HECTD4: variants seen among roughly 807,000 people sequenced by gnomAD.
HECTD4 encodes HECT domain E3 ubiquitin protein ligase 4, also known as probable E3 ubiquitin-protein ligase HECTD4.
HECTD4 carries 114 observed loss-of-function variants against 471.5 expected under a neutral mutation model. That is an observed-to-expected ratio of 0.24 (90% CI 0.21 to 0.28). The LOEUF is 0.28. HECTD4 is among the 10% of genes least tolerant of loss of function. The pLI, the probability that HECTD4 is intolerant of heterozygous loss-of-function variation, is 1.00. For missense variants in HECTD4, 3,866 were observed against 5,651.5 expected (o/e 0.68, Z 10.13); for synonymous variants, 2,012 against 2,256.0 (o/e 0.89, Z 3.07).
At chr12:112,371,719 T>C (rs1361123895) in intron 1 of HECTD4, among the ~76,000 whole-genome samples, 1 of 151,704 alleles carries the variant, frequency 6.6e-6, no homozygotes, top group Non-Finnish European at 1.5e-5. Context: ...AAACCCCGTC[T>C]CTACTAAAAC....
Position 112,319,784 on chromosome 12 carries a change from C to T in HECTD4, c.178-42G>A, listed in dbSNP as rs544810905. ...TGGAGAAGTGGGTAAATATTACTTTCACCAAAGTCATCTAAGGAAGAAAAT... is the reference window on the plus strand; with the variant it reads ...TGGAGAAGTGGGTAAATATTACTTTTACCAAAGTCATCTAAGGAAGAAAAT... On this transcript the variant is annotated intron_variant, in intron 1 of 75. Coordinates refer to ENST00000682272, the MANE Select transcript of HECTD4 (RefSeq NM_001388303.1). The surrounding 1 kb of genome is among the most constrained non-coding windows in gnomAD (Gnocchi z 5.3). 4 of 1,219,682 alleles carry T rather than the reference C, an allele frequency of 3.3e-6. No homozygotes were observed. The African/African-American group carries it at 6.2e-5, about 19-fold the overall frequency. The allele number at this position is 1,219,682 out of a possible 1,614,324, so 75.6% of individuals were successfully genotyped here.
chr12:112,241,701 C>A (rs914059701), intron 32 of HECTD4, among the ~76,000 whole-genome samples: 1 of 152,290 alleles, frequency 6.6e-6, no homozygotes, highest in East Asian at 1.9e-4. Context: ...CTCAAGTGAT[C>A]CTCCTGCTTT....
In HECTD4 at chr12:112,176,674, T is replaced by C. The variant is rs543976182; in HGVS notation, c.11392A>G (p.Thr3798Ala). 6 of 1,614,020 alleles carry C rather than the reference T, an allele frequency of 3.7e-6. No homozygotes were observed. The Admixed American group carries it at 5.0e-5, about 13-fold the overall frequency. ...SRTALSEKKPTVKPKSPEKSK... is the reference protein window; with the variant it reads ...SRTALSEKKPAVKPKSPEKSK... Reference sequence around the variant, plus strand: ...TTTTCTGGTGATTTTGGCTTCACAGTTGGCTTCTTCTCACTTAAGGCAGTC... The same window carrying C: ...TTTTCTGGTGATTTTGGCTTCACAGCTGGCTTCTTCTCACTTAAGGCAGTC... The change falls in exon 65 of 76, where the codon ACT (threonine) becomes GCT (alanine). Residue 3798 changes from threonine to alanine, a missense_variant. Thr to Ala is a moderately conservative substitution (Grantham distance 58). Around this residue, in one of 16 missense-constraint regions of HECTD4, gnomAD observed 715 missense variants for 1,087.6 expected, o/e 0.66. Coordinates refer to ENST00000682272, the MANE Select transcript of HECTD4 (RefSeq NM_001388303.1).
chr12:112,165,413 G>A lies in HECTD4; in HGVS notation c.12535-1138C>T, dbSNP rs545844159. Among the ~76,000 whole-genome samples, 17 of 148,092 alleles carry A rather than the reference G, an allele frequency of 1.1e-4. 1 individual carries two copies. The highest frequency in any genetic ancestry group is 4.0e-4 in the East Asian group (2 of 5,004). Reference sequence around the variant, plus strand: ...GTCGCCCAGGCTGGAGTGCAGTGGCGCGATATCAGCTCACTGCAAGCTCCG... The same window carrying A: ...GTCGCCCAGGCTGGAGTGCAGTGGCACGATATCAGCTCACTGCAAGCTCCG... On this transcript the variant is annotated intron_variant, in intron 72 of 75. Coordinates refer to ENST00000682272, the MANE Select transcript of HECTD4 (RefSeq NM_001388303.1).
intron 55 of HECTD4, 50 bp downstream of exon 55, chr12:112,200,588 C>G: frequency 6.4e-7 from 1 of 1,571,788 alleles, no homozygotes; most frequent in South Asian, 1.2e-5. Flanking sequence ...TGTGGTAGAG[C>G]GAAGTTGGTG....
chr12:112,228,332 T>C lies in HECTD4; in HGVS notation c.6685-74A>G. The stretch of plus-strand genomic sequence containing the variant: ...TTTATAAGAAATGAGGGTGTTATTA[T>C]TATCTGGAGTTAATTCTTAAATTTT... On this transcript the variant is annotated intron_variant, in intron 42 of 75. Transcript: ENST00000682272. The surrounding 1 kb of genome is among the most constrained non-coding windows in gnomAD (Gnocchi z 4.9). 7.4e-7 allele frequency: 1 copy of C among 1,347,404 alleles called. No individual in the cohort carries two copies. The highest frequency in any genetic ancestry group is 9.7e-7 in the Non-Finnish European group (1 of 1,027,876). The allele number at this position is 1,347,404 out of a possible 1,614,324, so 83.5% of individuals were successfully genotyped here. A position where few individuals can be genotyped will look rare whatever the true frequency, so the allele number is the denominator to read the frequency against.
intron 54 of HECTD4, 95 bp from the exon 55 acceptor site, chr12:112,200,893 G>A: frequency 3.1e-6 from 3 of 958,674 alleles, no homozygotes; most frequent in Non-Finnish European, 4.7e-6. Flanking sequence ...GCGTGTGTGT[G>A]TGTGTGTGTG....
chr12:112,283,277 T>C lies in HECTD4; in HGVS notation c.1361A>G (p.Asn454Ser), dbSNP rs112942603. Residue 454 changes from asparagine (N) to serine (S), a missense_variant, in exon 8 of 76, where the codon AAC becomes AGC. Around this residue, in one of 16 missense-constraint regions of HECTD4, gnomAD observed 440 missense variants for 636.0 expected, o/e 0.69. Transcript: ENST00000682272. ...TAGAATTGTACGTTCCTGAAGTGGG[T>C]TGGCTACAAATACACCATTTTCAAC... is the stretch of plus-strand genomic sequence containing the variant. ...LVVENGVFVA[N>S]PLQERTILMR... The C allele has an allele frequency of 6.2e-7, 1 of 1,613,180 alleles. No homozygotes were observed.
Position 112,204,560 on chromosome 12 carries a change from C to T in HECTD4, c.8195G>A (p.Arg2732Lys). 1.2e-6 allele frequency: 2 copies of T among 1,613,122 alleles called. No individual in the cohort carries two copies. The highest frequency in any genetic ancestry group is 1.7e-6 in the Non-Finnish European group (2 of 1,179,126). The part of the protein sequence containing the change: ...FLYEENGGIP[R>K]DLYLPTIEDI... Reference sequence around the variant, plus strand: ...TTCAATGGTGGGAAGATAAAGGTCTCTTGGGATGCCACCATTCTCTTCGTA... The same window carrying T: ...TTCAATGGTGGGAAGATAAAGGTCTTTTGGGATGCCACCATTCTCTTCGTA... The change falls in exon 53 of 76, where the codon AGA becomes AAA. Residue 2732 changes from arginine to lysine, a missense_variant. Physicochemically the swap from Arg to Lys is conservative, Grantham distance 26. This residue lies in a region of HECTD4 where 266 missense variants were observed against 441.6 expected (regional missense o/e 0.60). Transcript: ENST00000682272.
At chr12:112,207,268 G>A (rs943526235) in intron 52 of HECTD4, among the ~76,000 whole-genome samples, 1 of 152,020 alleles carries the variant, frequency 6.6e-6, no homozygotes, top group African/African-American at 2.4e-5. Context: ...CTCAGCCACC[G>A]GAGTAGCTTG....
chr12:112,199,199 C>T (rs894267099), intron 55 of HECTD4, among the ~76,000 whole-genome samples: 10 of 152,082 alleles, frequency 6.6e-5, no homozygotes, highest in Admixed American at 2.0e-4. Context: ...TCTATGTGGA[C>T]GACTGTGAGG....
Position 112,246,891 on chromosome 12 carries a change from TG to T in HECTD4, c.4513+9del, listed in dbSNP as rs2033776114. On this transcript the variant is annotated intron_variant, in intron 29 of 75. Transcript: ENST00000682272. ...ACAGAAGCCGATTAGGGGCTATCTTTGAGCAGTACCTGGTGTTTCAGCAGGG... is the reference window on the plus strand; with the variant it reads ...ACAGAAGCCGATTAGGGGCTATCTTTAGCAGTACCTGGTGTTTCAGCAGGG... 6 of 1,607,868 alleles carry T rather than the reference TG, an allele frequency of 3.7e-6. No homozygotes were observed. In the East Asian group the frequency reaches 1.3e-4, roughly 36 times the overall value.
intron 5 of HECTD4, 21 bp from the exon 6 acceptor site, chr12:112,308,912 C>G: frequency 6.5e-7 from 1 of 1,532,288 alleles, no homozygotes; most frequent in Middle Eastern, 1.7e-4. Context: ...AAATGGAGCA[C>G]AGGCTGAATC....
At chr12:112,244,520 C>G (rs1235030892) in intron 29 of HECTD4, among the ~76,000 whole-genome samples, 1 of 152,126 alleles carries the variant, frequency 6.6e-6, no homozygotes, top group African/African-American at 2.4e-5. Flanking sequence ...AGGCGTGCAC[C>G]ACCACGCCCA....
At chr12:112,327,272 G>A (rs1416370246) in intron 1 of HECTD4, among the ~76,000 whole-genome samples, 4 of 152,114 alleles carry the variant, frequency 2.6e-5, no homozygotes, top group African/African-American at 7.2e-5. Context: ...AGCCAAGATC[G>A]TGCTACTGCA....
intron 20 of HECTD4, chr12:112,256,801 G>T: frequency 4.8e-6 from 1 of 207,710 alleles, no homozygotes; most frequent in Non-Finnish European, 9.3e-6. Flanking sequence ...TTTTTTTCAA[G>T]GGCGAAGCCC....
intron 8 of HECTD4, among the ~76,000 whole-genome samples, chr12:112,281,206 C>T (rs7964047): frequency 2.0e-5 from 3 of 151,668 alleles, no homozygotes; most frequent in African/African-American, 7.3e-5. Flanking sequence ...CATAAAAGTA[C>T]GATGATTGCT....
Position 112,200,658 on chromosome 12 carries a change from A to G in HECTD4, c.8547T>C (p.Asn2849=), listed in dbSNP as rs759683399. 3 of 1,613,608 alleles carry G rather than the reference A, an allele frequency of 1.9e-6. No individual in the cohort carries two copies. Among genetic ancestry groups the G allele is most frequent in the Middle Eastern group, 3.3e-4 (2 of 6,062 alleles). Residue 2849 remains asparagine, a synonymous_variant, in exon 55 of 76, where the codon AAT becomes AAC. Coordinates refer to ENST00000682272, the MANE Select transcript of HECTD4 (RefSeq NM_001388303.1). ...TATNGLVTLD[N]TNLQIHRELL... The stretch of plus-strand genomic sequence containing the variant: ...TGTACCTGTGAATTTGAAGGTTGGT[A>G]TTGTCCAGTGTGACCAGCCCATTGG...
At chr12:112,226,197 A>T (rs1477182844) in intron 44 of HECTD4, among the ~76,000 whole-genome samples, 2 of 151,794 alleles carry the variant, frequency 1.3e-5, no homozygotes, top group Non-Finnish European at 2.9e-5. Context: ...TTCCATACAC[A>T]CACACACACA....
Sources: allele counts gnomAD v4.1 joint callset (sites outside exome capture counted in the v4.1 genomes callset), GRCh38; gene constraint gnomAD v4.1.1; regional missense constraint gnomAD v4.1.1; non-coding constraint Gnocchi (gnomAD v3.1); transcripts MANE v1.5; gene names NCBI Gene and HGNC (gene_info 2026-07-23, HGNC 2026-07-21).